Variants in C1QTNF1 observed in about 807,000 individuals in gnomAD.
The protein encoded by C1QTNF1 is C1q and TNF related 1, also known as complement C1q tumor necrosis factor-related protein 1.
A neutral mutation model predicts 27.8 loss-of-function variants in C1QTNF1; 22 were observed. The ratio of observed to expected loss-of-function variants is 0.79; its 90% CI spans 0.56 to 1.13. The LOEUF is 1.13. Among genes scored for constraint, C1QTNF1 ranks in the 50% most tolerant of loss-of-function variants. The pLI is 0.00. For synonymous variants in C1QTNF1, 166 were observed against 154.3 expected, an observed-to-expected ratio of 1.08 and a Z score of -0.56; for missense variants, 373 against 380.2, an observed-to-expected ratio of 0.98 and a Z score of 0.16.
Position 79,048,043 on chromosome 17 carries a change from C to A in C1QTNF1, c.801C>A (p.Tyr267Ter). ...NAIFSEELDT[Y>*]ITFSGYLVKH... ...TCTTCAGCGAGGAGCTGGACACCTA[C>A]ATCACCTTCAGTGGCTACCTGGTCA... The change falls in exon 4 of 4, where the codon TAC becomes TAA. Residue 267 changes from tyrosine (Y) to a stop codon, truncating the protein, a stop_gained. Transcript: ENST00000579760. LOFTEE classifies it high-confidence loss of function. 1 of 1,592,394 alleles carries A rather than the reference C, an allele frequency of 6.3e-7. No homozygotes were observed. Among genetic ancestry groups the A allele is most frequent in the Non-Finnish European group, 8.5e-7 (1 of 1,172,034 alleles).
chr17:79,027,345 C>T (rs1044708475), intron 1 of C1QTNF1: 5 of 152,300 alleles, frequency 3.3e-5, no homozygotes, highest in Non-Finnish European at 7.3e-5. Context: ...CTGCCATCTC[C>T]CTGACCCCTT....
Position 79,048,006 on chromosome 17 carries a change from G to A in C1QTNF1, c.764G>A (p.Arg255His). ...QVWVRLYKGERENAIFSEELD... is the reference protein window; with the variant it reads ...QVWVRLYKGEHENAIFSEELD... ...TGGGTACGCCTCTACAAGGGCGAAC[G>A]TGAGAACGCCATCTTCAGCGAGGAG... Residue 255 changes from arginine (R) to histidine (H), a missense_variant, in exon 4 of 4, where the codon CGT (arginine) becomes CAT (histidine). By Grantham distance (29) the Arg-to-His change is conservative (BLOSUM62 0). Coordinates refer to ENST00000579760, the MANE Select transcript of C1QTNF1 (RefSeq NM_030968.5). 1 of 1,610,376 alleles carries A rather than the reference G, an allele frequency of 6.2e-7. No homozygotes were observed. Among genetic ancestry groups the A allele is most frequent in the Non-Finnish European group, 8.5e-7 (1 of 1,178,934 alleles).
intron 3 of C1QTNF1, 122 bp from the exon 4 acceptor site, chr17:79,047,416 C>T: frequency 1.0e-6 from 1 of 1,002,332 alleles, no homozygotes; most frequent in Non-Finnish European, 1.4e-6. Flanking sequence ...AGTGAAGCTT[C>T]TGCCAGGTCA....
intron 1 of C1QTNF1, among the ~76,000 whole-genome samples, chr17:79,031,008 C>CT (rs11335486): frequency 0.038 from 5,223 of 137,948 alleles, 162 homozygotes; most frequent in East Asian, 0.12. Context: ...CTTTTCTTTT[C>CT]TTTTTTTTTT....
Position 79,047,762 on chromosome 17 carries a change from C to G in C1QTNF1, c.520C>G (p.Leu174Val), listed in dbSNP as rs2072628888. The G allele has an allele frequency of 1.9e-6, 3 of 1,614,058 alleles. No individual in the cohort carries two copies. The African/African-American group carries it at 4.0e-5, about 22-fold the overall frequency. ...GATCTTCGACACGGAGTTCGTGAAC[C>G]TCTACGACCACTTCAACATGTTCAC... Reference protein sequence around the residue: ...TVIFDTEFVNLYDHFNMFTGK... With the variant: ...TVIFDTEFVNVYDHFNMFTGK... Residue 174 changes from leucine (L) to valine (V), a missense_variant, in exon 4 of 4, where the codon CTC (leucine) becomes GTC (valine). Physicochemically the swap from Leu to Val is conservative, Grantham distance 32. Transcript: ENST00000579760.
chr17:79,040,537 G>A (rs909393006), intron 1 of C1QTNF1, among the ~76,000 whole-genome samples: 7 of 151,976 alleles, frequency 4.6e-5, no homozygotes, highest in African/African-American at 1.5e-4. Context: ...AAGACAAGGC[G>A]GGCAGGATTT....
chr17:79,047,977 G>C lies in C1QTNF1; in HGVS notation c.735G>C (p.Gln245His), dbSNP rs760666091. The change falls in exon 4 of 4, where the codon CAG (glutamine) becomes CAC (histidine). Residue 245 changes from glutamine (Q) to histidine (H), a missense_variant. By Grantham distance (24) the Gln-to-His change is conservative. Coordinates refer to ENST00000579760, the MANE Select transcript of C1QTNF1 (RefSeq NM_030968.5). ...SLMLELREQD[Q>H]VWVRLYKGER... ...TGCTGGAGCTGCGAGAGCAGGACCA[G>C]GTGTGGGTACGCCTCTACAAGGGCG... 5 of 1,613,618 alleles carry C rather than the reference G, an allele frequency of 3.1e-6. No homozygotes were observed. The highest frequency in any genetic ancestry group is 3.3e-5 in the Admixed American group (2 of 60,012).
At chr17:79,043,539 A>C (rs1043878574) in intron 1 of C1QTNF1, 1 of 436,656 alleles carries the variant, frequency 2.3e-6, no homozygotes, top group Admixed American at 2.4e-5. Context: ...TGTAGGTTTC[A>C]TTGTTGAGAC....
intron 1 of C1QTNF1, among the ~76,000 whole-genome samples, chr17:79,028,106 G>A (rs1395851931): frequency 6.6e-5 from 10 of 152,200 alleles, no homozygotes; most frequent in African/African-American, 4.8e-5. Flanking sequence ...TCCTTGACAC[G>A]AGACAGAGTA....
At chr17:79,038,030 C>T (rs2072306323) in intron 1 of C1QTNF1, among the ~76,000 whole-genome samples, 1 of 151,348 alleles carries the variant, frequency 6.6e-6, no homozygotes, top group Admixed American at 6.6e-5. Context: ...CACTCTGTTG[C>T]TCAGGCTGGA....
chr17:79,024,597 G>A (rs919104623), intron 1 of C1QTNF1, 103 bp downstream of exon 1: 3 of 152,392 alleles, frequency 2.0e-5, no homozygotes, highest in Non-Finnish European at 2.9e-5. Context: ...CGGGACGGAC[G>A]GAGAGCGCCG....
rs751740101 is a variant in C1QTNF1, at chr17:79,047,857, G to A, written c.615G>A (p.Lys205=). 32 of 1,614,108 alleles carry A rather than the reference G, an allele frequency of 2.0e-5. No individual in the cohort carries two copies. Among genetic ancestry groups the A allele is most frequent in the Non-Finnish European group, 2.4e-5 (28 of 1,180,050 alleles). The part of the protein sequence containing the change: ...FSLNVHTWNQ[K]ETYLHIMKNE... ...TCAACGTGCACACCTGGAACCAGAA[G>A]GAGACCTACCTGCACATCATGAAGA... Residue 205 remains lysine, a synonymous_variant, in exon 4 of 4, where the codon AAG becomes AAA. Transcript: ENST00000579760.
intron 1 of C1QTNF1, among the ~76,000 whole-genome samples, chr17:79,043,035 TATGA>T (rs1455914057): frequency 6.6e-6 from 1 of 151,956 alleles, no homozygotes; most frequent in Non-Finnish European, 1.5e-5. Flanking sequence ...ATTGCATGTA[TATGA>T]ATGTGTGTGC....
chr17:79,030,694 GGTTC>G (rs2072117936), intron 1 of C1QTNF1, among the ~76,000 whole-genome samples: 3 of 151,604 alleles, frequency 2.0e-5, no homozygotes, highest in Non-Finnish European at 4.4e-5. Context: ...CCATCTCCTG[GGTTC>G]AAGCGATTCT....
chr17:79,036,346 T>C (rs1281226012), intron 1 of C1QTNF1, among the ~76,000 whole-genome samples: 1 of 152,158 alleles, frequency 6.6e-6, no homozygotes, highest in African/African-American at 2.4e-5. Flanking sequence ...GGCTAATCTT[T>C]GCATTTTTTG....
At chr17:79,030,511 TTCTTTCTTTC>T (rs1266171194) in intron 1 of C1QTNF1, among the ~76,000 whole-genome samples, 42 of 143,784 alleles carry the variant, frequency 2.9e-4, no homozygotes, top group African/African-American at 1.0e-3. Context: ...CTTTCTTTCT[TTCTTTCTTTC>T]TTTCTTTCTT....
intron 1 of C1QTNF1, among the ~76,000 whole-genome samples, chr17:79,042,689 G>GGGT (rs1568068454): frequency 6.6e-6 from 1 of 152,212 alleles, no homozygotes; most frequent in Non-Finnish European, 1.5e-5. Context: ...GTCCTAAGAG[G>GGGT]GGTGGTATAC....
intron 1 of C1QTNF1, among the ~76,000 whole-genome samples, chr17:79,032,759 G>A (rs548714739): frequency 3.3e-5 from 5 of 152,222 alleles, no homozygotes; most frequent in African/African-American, 7.2e-5. Flanking sequence ...GAGTTAATTG[G>A]GGGCTTAAAA....
In C1QTNF1 at chr17:79,046,653, C is replaced by G. The variant is rs148307780; in HGVS notation, c.254C>G (p.Pro85Arg). The change falls in exon 3 of 4, where the codon CCG becomes CGG. Residue 85 changes from proline (P) to arginine (R), a missense_variant. Transcript: ENST00000579760. This position sits in a 1 kb window ranked among gnomAD's most constrained non-coding sequence, Gnocchi z 4.8. ...TGTGACCCCGGTACCTCCATGTACC[C>G]GGCGACCGCCGTGCCCCAGATCAAC... Reference protein sequence around the residue: ...RCCDPGTSMYPATAVPQINIT... With the variant: ...RCCDPGTSMYRATAVPQINIT... 1 of 1,614,210 alleles carries G rather than the reference C, an allele frequency of 6.2e-7. No homozygotes were observed. Among genetic ancestry groups the G allele is most frequent in the Non-Finnish European group, 8.5e-7 (1 of 1,180,026 alleles).
Sources: allele counts gnomAD v4.1 joint callset (sites outside exome capture counted in the v4.1 genomes callset), GRCh38; gene constraint gnomAD v4.1.1; non-coding constraint Gnocchi (gnomAD v3.1); transcripts MANE v1.5; gene names NCBI Gene and HGNC (gene_info 2026-07-23, HGNC 2026-07-21).